Variants in PCDH11X observed in about 807,000 individuals in gnomAD.
The protein encoded by PCDH11X is protocadherin 11 X-linked, also known as protocadherin-11 X-linked.
A neutral mutation model predicts 53.3 loss-of-function variants in PCDH11X; 18 were observed. That is an observed-to-expected ratio of 0.34 (90% CI 0.23 to 0.50). PCDH11X has a LOEUF of 0.50. PCDH11X is among the 20% of genes least tolerant of loss of function. The pLI is 0.98. For missense variants in PCDH11X, 570 were observed against 1,032.4 expected (o/e 0.55, Z 6.14); for synonymous variants, 279 against 393.3 (o/e 0.71, Z 3.44).
At chrX:92,575,944 T>TACACACACACACACAC (rs1162998590) in intron 10 of PCDH11X, among the ~76,000 whole-genome samples, 1 of 19,919 alleles carries the variant, frequency 5.0e-5, no homozygotes, top group Non-Finnish European at 8.2e-5. Flanking sequence ...TATATATATA[T>TACACACACACACACAC]ACACACACAC....
At chrX:92,165,606 C>G (rs1485883050) in intron 6 of PCDH11X, among the ~76,000 whole-genome samples, 1 of 111,497 alleles carries the variant, frequency 9.0e-6, no homozygotes, top group African/African-American at 3.3e-5. Context: ...TATATACAAC[C>G]CTACATTACT....
chrX:92,232,715 T>G (rs1490474578), intron 7 of PCDH11X, among the ~76,000 whole-genome samples: 1 of 112,340 alleles, frequency 8.9e-6, no homozygotes, highest in Non-Finnish European at 1.9e-5. Context: ...TAAATATAAT[T>G]TTTTTAAATT....
intron 4 of PCDH11X, among the ~76,000 whole-genome samples, chrX:91,834,261 G>A (rs1021044598): frequency 1.6e-4 from 18 of 111,009 alleles, no homozygotes; most frequent in Non-Finnish European, 3.4e-4. Flanking sequence ...TGAGAATTAC[G>A]AAAGGAAACT....
rs371238284 is a variant in PCDH11X at position 92,204,551 on chromosome X, A to G, written c.3114+3096A>G. 3.5e-3 allele frequency among the ~76,000 whole-genome samples: 391 copies of G among 111,928 alleles called. 4 individuals carry two copies. Among genetic ancestry groups the G allele is most frequent in the African/African-American group, 0.012 (377 of 30,859 alleles). ...TTCATTGTCCATGTCACTATCAGCA[A>G]TTTGTTCAAAGCCATTCAACAAGTC... On this transcript the variant is annotated intron_variant, in intron 7 of 10. Coordinates refer to ENST00000682573, the MANE Select transcript of PCDH11X (RefSeq NM_032968.5).
At chrX:92,077,610 AAG>A (rs2063793300) in intron 6 of PCDH11X, among the ~76,000 whole-genome samples, 1 of 82,644 alleles carries the variant, frequency 1.2e-5, no homozygotes, top group Admixed American at 1.4e-4. Context: ...TTCAAAAAAG[AAG>A]GAAGGAAGGG....
intron 1 of PCDH11X, among the ~76,000 whole-genome samples, chrX:91,782,316 T>G (rs1935178622): frequency 1.1e-5 from 1 of 93,829 alleles, no homozygotes; most frequent in Admixed American, 1.2e-4. Context: ...ATTTCCTCCT[T>G]TCCTCCGCGC....
intron 7 of PCDH11X, among the ~76,000 whole-genome samples, chrX:92,250,750 A>G (rs911431018): frequency 1.0e-4 from 11 of 109,486 alleles, no homozygotes; most frequent in Admixed American, 8.9e-4. Context: ...TCTAGTCACA[A>G]AAGACTACCT....
chrX:91,905,571 T>A (rs1385754418), intron 6 of PCDH11X, among the ~76,000 whole-genome samples: 1 of 111,658 alleles, frequency 9.0e-6, no homozygotes, highest in Non-Finnish European at 1.9e-5. Flanking sequence ...TAAAAGTAAT[T>A]TTATAGAGAA....
intron 6 of PCDH11X, among the ~76,000 whole-genome samples, chrX:92,100,005 A>G (rs2064210196): frequency 8.9e-6 from 1 of 111,888 alleles, no homozygotes; most frequent in African/African-American, 3.2e-5. Flanking sequence ...ACATATATTT[A>G]AAAGATTCCA....
intron 9 of PCDH11X, among the ~76,000 whole-genome samples, chrX:92,462,471 G>T: frequency 9.0e-6 from 1 of 111,178 alleles, no homozygotes; most frequent in East Asian, 2.8e-4. Flanking sequence ...AACAGATTGA[G>T]TATTAAAAGG....
At chrX:92,228,379 C>A (rs1569431696) in intron 7 of PCDH11X, among the ~76,000 whole-genome samples, 2 of 111,261 alleles carry the variant, frequency 1.8e-5, no homozygotes, top group African/African-American at 6.5e-5. Flanking sequence ...ACAGTGTATC[C>A]CTAAGGTCTG....
chrX:92,244,315 T>C (rs1408512242), intron 7 of PCDH11X, among the ~76,000 whole-genome samples: 1 of 107,689 alleles, frequency 9.3e-6, no homozygotes, highest in Non-Finnish European at 1.9e-5. Flanking sequence ...GCAAACTAGA[T>C]CAGTATTATA....
At chrX:92,215,099 G>A (rs188437656) in intron 7 of PCDH11X, among the ~76,000 whole-genome samples, 1,682 of 111,129 alleles carry the variant, frequency 0.015, 23 homozygotes, top group African/African-American at 0.049. Context: ...GAACAGCTCC[G>A]GTCTACAGCT....
At chrX:92,597,426 A>T (rs1308729555) in intron 10 of PCDH11X, among the ~76,000 whole-genome samples, 2 of 111,501 alleles carry the variant, frequency 1.8e-5, no homozygotes, top group Non-Finnish European at 3.8e-5. Flanking sequence ...TCAAATTAAT[A>T]ATAGCCACAC....
chrX:92,474,937 G>A (rs1175592639), intron 10 of PCDH11X, among the ~76,000 whole-genome samples: 17 of 107,439 alleles, frequency 1.6e-4, no homozygotes, highest in Admixed American at 5.1e-4. Context: ...AGGCCGAGGC[G>A]GGTGGATCAC....
intron 6 of PCDH11X, among the ~76,000 whole-genome samples, chrX:91,941,060 A>G (rs1602531722): frequency 9.0e-6 from 1 of 111,121 alleles, no homozygotes; most frequent in Non-Finnish European, 1.9e-5. Flanking sequence ...CTTAAGGAGT[A>G]TAATTGGATT....
chrX:92,146,198 T>A (rs1227572210), intron 6 of PCDH11X, among the ~76,000 whole-genome samples: 2 of 110,881 alleles, frequency 1.8e-5, no homozygotes, highest in Non-Finnish European at 3.8e-5. Context: ...CAATAAAAAC[T>A]GAACTATTAT....
intron 6 of PCDH11X, among the ~76,000 whole-genome samples, chrX:92,103,928 T>C (rs2064318392): frequency 9.0e-6 from 1 of 111,205 alleles, no homozygotes; most frequent in South Asian, 3.8e-4. Context: ...CGGGAGCAGA[T>C]TGGGTAATAA....
At chrX:92,424,296 T>C (rs1390261604) in intron 9 of PCDH11X, among the ~76,000 whole-genome samples, 1 of 95,330 alleles carries the variant, frequency 1.0e-5, no homozygotes, top group Non-Finnish European at 2.3e-5. Context: ...ATAATGCTGA[T>C]TTTTTTCTTT....
Sources: allele counts gnomAD v4.1 joint callset (sites outside exome capture counted in the v4.1 genomes callset), GRCh38; gene constraint gnomAD v4.1.1; transcripts MANE v1.5; gene names NCBI Gene and HGNC (gene_info 2026-07-23, HGNC 2026-07-21).